UBXN2B: variants seen among roughly 807,000 people sequenced by gnomAD.
UBXN2B encodes UBX domain-containing protein 2B.
In UBXN2B, 19 loss-of-function variants were observed where a neutral mutation model predicts 37.5. The ratio of observed to expected loss-of-function variants is 0.51; its 90% CI spans 0.35 to 0.74. The LOEUF is 0.74. Ranked by LOEUF, UBXN2B falls within the 30% of genes least tolerant of loss-of-function variation. UBXN2B has a pLI of 0.01. For missense variants in UBXN2B, 370 were observed against 393.2 expected, an observed-to-expected ratio of 0.94 and a Z score of 0.50; for synonymous variants, 145 against 143.8, an observed-to-expected ratio of 1.01 and a Z score of -0.06.
chr8:58,436,851 C>A (rs1354113858), intron 5 of UBXN2B, among the ~76,000 whole-genome samples: 1 of 152,206 alleles, frequency 6.6e-6, no homozygotes, highest in African/African-American at 2.4e-5. Context: ...GCTACTTGTA[C>A]AGCCTGCAGA....
intron 2 of UBXN2B, among the ~76,000 whole-genome samples, chr8:58,419,466 A>C (rs1257226221): frequency 1.3e-5 from 2 of 152,210 alleles, no homozygotes; most frequent in African/African-American, 4.8e-5. Flanking sequence ...TTAATTTACA[A>C]GAGGAGTTAC....
At chr8:58,427,206 C>T (rs993709226) in intron 2 of UBXN2B, among the ~76,000 whole-genome samples, 3 of 152,336 alleles carry the variant, frequency 2.0e-5, no homozygotes, top group South Asian at 4.1e-4. Context: ...CGGTGGCTCA[C>T]GCCTGTCATC....
intron 6 of UBXN2B, among the ~76,000 whole-genome samples, chr8:58,443,867 A>T (rs1464494185): frequency 6.6e-6 from 1 of 152,128 alleles, no homozygotes; most frequent in Non-Finnish European, 1.5e-5. Context: ...GTTTTTTAAT[A>T]CCACACTACC....
rs1808793776 is a variant in UBXN2B at position 58,451,229 on chromosome 8, G to A, written c.*3678G>A. The A allele has an allele frequency of 6.6e-6, 1 of 152,312 alleles. No individual in the cohort carries two copies. The highest frequency in any genetic ancestry group is 1.5e-5 in the Non-Finnish European group (1 of 68,028). 9.4% of individuals were successfully genotyped at this position (152,312 alleles called of 1,614,324 possible). A position where few individuals can be genotyped will look rare whatever the true frequency, so the allele number is the denominator to read the frequency against. On this transcript the variant is annotated 3_prime_UTR_variant, in exon 8 of 8. Transcript: ENST00000399598. ...ACAACTGCCATTTTTGTATATAATA[G>A]TCTTCCAAGATAGAGATTTACATTA...
chr8:58,436,984 T>G (rs765333042), intron 5 of UBXN2B, among the ~76,000 whole-genome samples: 3 of 152,170 alleles, frequency 2.0e-5, no homozygotes, highest in Non-Finnish European at 4.4e-5. Context: ...GCTCTAAAGA[T>G]ACATGAAGAT....
chr8:58,434,511 T>G lies in UBXN2B; in HGVS notation c.533+7T>G. On this transcript the variant is annotated splice_region_variant and intron_variant, in intron 5 of 7. Transcript: ENST00000399598. ...TGGAGTCTGTTAAGAGAGGGTAAGA[T>G]GTATTATTTGTATTCTATTTGTTAT... 1 of 1,503,764 alleles carries G rather than the reference T, an allele frequency of 6.6e-7. No individual in the cohort carries two copies. Among genetic ancestry groups the G allele is most frequent in the South Asian group, 1.3e-5 (1 of 75,994 alleles). The allele number at this position is 1,503,764 out of a possible 1,614,324, so 93.2% of individuals were successfully genotyped here. A position where few individuals can be genotyped will look rare whatever the true frequency, so the allele number is the denominator to read the frequency against.
intron 2 of UBXN2B, chr8:58,424,789 C>T: frequency 6.9e-7 from 1 of 1,447,308 alleles, no homozygotes; most frequent in Non-Finnish European, 9.7e-7. Context: ...TTCTTCAATC[C>T]TGCGCTGTAG....
At chr8:58,439,086 T>TTGTG (rs1271066704) in intron 5 of UBXN2B, among the ~76,000 whole-genome samples, 1 of 152,176 alleles carries the variant, frequency 6.6e-6, no homozygotes, top group African/African-American at 2.4e-5. Context: ...TCCACTGTGA[T>TTGTG]TGTAAGTTTC....
chr8:58,448,938 G>C lies in UBXN2B; in HGVS notation c.*1387G>C, dbSNP rs1808745756. 1 of 152,212 alleles carries C rather than the reference G, an allele frequency of 6.6e-6. No individual in the cohort carries two copies. The highest frequency in any genetic ancestry group is 1.5e-5 in the Non-Finnish European group (1 of 68,050). The allele number at this position is 152,212 out of a possible 1,614,324, so 9.4% of individuals were successfully genotyped here. A position where few individuals can be genotyped will look rare whatever the true frequency, so the allele number is the denominator to read the frequency against. ...CGGTGCCAAGATCAATTTGTTGGCA[G>C]GGTTGCATTCTGTTAGGAGGCTCTA... On this transcript the variant is annotated 3_prime_UTR_variant, in exon 8 of 8. Transcript: ENST00000399598.
Position 58,430,557 on chromosome 8 carries a change from T to C in UBXN2B, c.227T>C (p.Ile76Thr), listed in dbSNP as rs778854921. 1.2e-6 allele frequency: 2 copies of C among 1,604,356 alleles called. No homozygotes were observed. The highest frequency in any genetic ancestry group is 2.2e-5 in the South Asian group (2 of 89,622). ...GAACATGAATACAGTGGATTAAATA[T>C]AGTTCGACCTTCAACTGGGAAAATT... The part of the protein sequence containing the change: ...SSEHEYSGLN[I>T]VRPSTGKIVN... Residue 76 changes from isoleucine (I) to threonine (T), a missense_variant, in exon 3 of 8, where the codon ATA (isoleucine) becomes ACA (threonine). Around this residue, in one of 3 missense-constraint regions of UBXN2B, gnomAD observed 197 missense variants for 170.2 expected, o/e 1.16. Transcript: ENST00000399598.
intron 4 of UBXN2B, 92 bp downstream of exon 4, chr8:58,433,335 A>G: frequency 9.3e-7 from 1 of 1,073,566 alleles, no homozygotes; most frequent in South Asian, 1.6e-5. Flanking sequence ...TAATACAAAT[A>G]TATTTTTGTT....
rs889035904 is a variant in UBXN2B at position 58,448,731 on chromosome 8, A to G, written c.*1180A>G. The stretch of plus-strand genomic sequence containing the variant: ...TAGATCTAAAGAATTACCAGCATAA[A>G]TGTTTGCATTTCTGCTGAAGCCAGA... On this transcript the variant is annotated 3_prime_UTR_variant, in exon 8 of 8. Coordinates refer to ENST00000399598, the MANE Select transcript of UBXN2B (RefSeq NM_001077619.2). 6.6e-6 allele frequency: 1 copy of G among 152,518 alleles called. No homozygotes were observed. The highest frequency in any genetic ancestry group is 2.4e-5 in the African/African-American group (1 of 41,422). The allele number at this position is 152,518 out of a possible 1,614,324, so 9.4% of individuals were successfully genotyped here.
At chr8:58,422,023 C>G (rs138772147) in intron 2 of UBXN2B, among the ~76,000 whole-genome samples, 1 of 152,144 alleles carries the variant, frequency 6.6e-6, no homozygotes, top group Non-Finnish European at 1.5e-5. Flanking sequence ...GACTTTACCC[C>G]CAAAGTCAAG....
In UBXN2B at chr8:58,416,860, C is replaced by A. The variant is rs768850765; in HGVS notation, c.95C>A (p.Ala32Glu). The change falls in exon 2 of 8, where the codon GCA becomes GAA. Residue 32 changes from alanine (A) to glutamate (E), a missense_variant. Physicochemically the swap from Ala to Glu is moderately radical, Grantham distance 107. Transcript: ENST00000399598. ...CCTGTTATTATGTAGTTGGCCTTGG[C>A]AGAATTGTATGAAGATGAAGTGAAG... ...PSARDLQLALAELYEDEVKCK... is the reference protein window; with the variant it reads ...PSARDLQLALEELYEDEVKCK... The A allele has an allele frequency of 8.7e-6, 14 of 1,611,480 alleles. No individual in the cohort carries two copies. The South Asian group carries it at 1.3e-4, about 15-fold the overall frequency.
At chr8:58,428,569 T>A (rs1003014491) in intron 2 of UBXN2B, among the ~76,000 whole-genome samples, 2 of 152,200 alleles carry the variant, frequency 1.3e-5, no homozygotes, top group Non-Finnish European at 2.9e-5. Flanking sequence ...CCTAAATCCT[T>A]TTAAGGCCCA....
intron 2 of UBXN2B, chr8:58,426,307 T>C (rs1273533744): frequency 1.0e-5 from 5 of 490,976 alleles, no homozygotes; most frequent in Non-Finnish European, 1.8e-5. Context: ...GCTGGGTTCA[T>C]GCCATTCTCC....
At chr8:58,444,411 C>T (rs1215565631) in intron 6 of UBXN2B, among the ~76,000 whole-genome samples, 1 of 152,158 alleles carries the variant, frequency 6.6e-6, no homozygotes, top group South Asian at 2.1e-4. Flanking sequence ...CCTGGTGTTA[C>T]AGAATAAGTG....
chr8:58,440,933 C>T (rs140707447), intron 6 of UBXN2B, among the ~76,000 whole-genome samples: 16 of 151,630 alleles, frequency 1.1e-4, no homozygotes, highest in South Asian at 4.2e-4. Context: ...AATTTTAGGT[C>T]ACAGGTTTAC....
intron 6 of UBXN2B, among the ~76,000 whole-genome samples, chr8:58,444,991 G>A (rs942566590): frequency 6.6e-5 from 10 of 152,110 alleles, no homozygotes; most frequent in Admixed American, 3.3e-4. Context: ...AGATACATGC[G>A]TGTCTTTCTT....
Sources: gnomAD v4.1 joint callset for allele counts (sites outside exome capture counted in the v4.1 genomes callset) on GRCh38, gnomAD v4.1.1 for gene constraint, gnomAD v4.1.1 regional missense constraint, MANE v1.5 for transcripts, NCBI Gene and HGNC (gene_info 2026-07-23, HGNC 2026-07-21) for gene names.